LRTM3: variants seen among roughly 807,000 people sequenced by gnomAD.
LRTM3 encodes leucine-rich repeat transmembrane protein 3.
chr13:102,752,079 C>T, the LRTM3 span, among the ~76,000 whole-genome samples: 3 of 152,174 alleles, frequency 2.0e-5, no homozygotes, highest in South Asian at 4.1e-4. Context: ...AACCAGCCAG[C>T]ATTCCTTCCT....
At chr13:102,734,620 A>AT in the LRTM3 span, 1 of 1,550,598 alleles carries the variant, frequency 6.4e-7, no homozygotes, top group Non-Finnish European at 8.7e-7. Context: ...GTTGCTTTTC[A>AT]TTTTTAACAT....
At chr13:102,749,247 T>C in the LRTM3 span, 1 of 1,550,822 alleles carries the variant, frequency 6.4e-7, no homozygotes, top group Non-Finnish European at 8.7e-7. Flanking sequence ...AGTTTGCTTT[T>C]ACTGTCTGGT....
chr13:102,742,016 A>G, the LRTM3 span: 23 of 1,550,334 alleles, frequency 1.5e-5, no homozygotes, highest in African/African-American at 6.9e-5. Context: ...TGACCTTTGC[A>G]TTTCTTTTAG....
the LRTM3 span, chr13:102,733,872 C>T: frequency 1.9e-5 from 30 of 1,551,284 alleles, no homozygotes; most frequent in Admixed American, 3.3e-4. Flanking sequence ...TGCTTAACAA[C>T]GTTTTTATCA....
At chr13:102,737,303 T>C in the LRTM3 span, 1 of 1,551,174 alleles carries the variant, frequency 6.4e-7, no homozygotes, top group Non-Finnish European at 8.7e-7. Context: ...CTGCCTTAGT[T>C]GCAAAGTAGC....
At chr13:102,747,748 C>A in the LRTM3 span, 1 of 1,550,970 alleles carries the variant, frequency 6.4e-7, no homozygotes, top group Non-Finnish European at 8.7e-7. Context: ...GCTTCACCTT[C>A]TCAACTTGAA....
chr13:102,737,728 A>G, the LRTM3 span: 1,446 of 1,550,522 alleles, frequency 9.3e-4, 11 homozygotes, highest in African/African-American at 0.017. Context: ...CACTTGCGCT[A>G]TCACCCTCAC....
At chr13:102,734,383 G>A in the LRTM3 span, 3 of 1,551,204 alleles carry the variant, frequency 1.9e-6, no homozygotes, top group East Asian at 7.3e-5. Flanking sequence ...CCAGTTTAAG[G>A]TTAGATGGCA....
At chr13:102,759,017 C>G in the LRTM3 span, 1 of 750,932 alleles carries the variant, frequency 1.3e-6, no homozygotes, top group Non-Finnish European at 2.1e-6. Context: ...CTCGGTATGC[C>G]CAACTCATAA....
chr13:102,736,283 C>A, the LRTM3 span: 1 of 1,551,062 alleles, frequency 6.4e-7, no homozygotes, highest in Non-Finnish European at 8.7e-7. Flanking sequence ...CTCTTTCATG[C>A]CCCACTGTGG....
chr13:102,742,010 C>T, the LRTM3 span: 1 of 1,550,494 alleles, frequency 6.4e-7, no homozygotes, highest in Middle Eastern at 1.7e-4. Context: ...TGACAATGAC[C>T]TTTGCATTTC....
At chr13:102,749,354 T>C in the LRTM3 span, 1 of 1,551,400 alleles carries the variant, frequency 6.4e-7, no homozygotes, top group Non-Finnish European at 8.7e-7. Context: ...AATTTGTTGC[T>C]GGCCTTGTGC....
the LRTM3 span, among the ~76,000 whole-genome samples, chr13:102,757,054 G>C: frequency 1.3e-5 from 2 of 152,062 alleles, no homozygotes; most frequent in Non-Finnish European, 2.9e-5. Context: ...GTGAACCTTG[G>C]GTCACCATGC....
the LRTM3 span, chr13:102,733,078 T>C: frequency 6.4e-7 from 1 of 1,551,366 alleles, no homozygotes; most frequent in Non-Finnish European, 8.7e-7. Context: ...GCGCTGTTGT[T>C]TTCTTGTCCA....
At chr13:102,736,668 C>G in the LRTM3 span, 1 of 1,550,556 alleles carries the variant, frequency 6.4e-7, no homozygotes, top group Admixed American at 2.0e-5. Context: ...GCCTTTTCCC[C>G]TTGTTGACTG....
At chr13:102,737,494 T>C in the LRTM3 span, 1 of 1,550,170 alleles carries the variant, frequency 6.5e-7, no homozygotes, top group Non-Finnish European at 8.7e-7. Flanking sequence ...CTTCAGTTTC[T>C]CCATCCCTGT....
At chr13:102,735,025 T>C in the LRTM3 span, 1 of 1,551,178 alleles carries the variant, frequency 6.4e-7, no homozygotes, top group Admixed American at 2.0e-5. Flanking sequence ...TTAATATTGG[T>C]ATGCTTTCCT....
the LRTM3 span, chr13:102,737,834 C>G: frequency 1.3e-6 from 2 of 1,550,844 alleles, no homozygotes; most frequent in African/African-American, 2.7e-5. Context: ...GTCTTCCTCT[C>G]CTTCTATTCT....
the LRTM3 span, chr13:102,746,033 G>T: frequency 1.3e-6 from 2 of 1,551,108 alleles, no homozygotes; most frequent in Non-Finnish European, 1.7e-6. Context: ...TGGAATCTTA[G>T]GACCTCCAAG....
Sources: allele counts gnomAD v4.1 joint callset (sites outside exome capture counted in the v4.1 genomes callset), GRCh38; gene constraint gnomAD v4.1.1; transcripts MANE v1.5; gene names NCBI Gene and HGNC (gene_info 2026-07-23, HGNC 2026-07-21).